The following ADGRL3 variants were observed in gnomAD, a reference collection of about 807,000 sequenced individuals.
ADGRL3 encodes the protein calcium-independent alpha-latrotoxin receptor 3.
A neutral mutation model predicts 153.5 loss-of-function variants in ADGRL3; 62 were observed. The observed-to-expected ratio is 0.40, with a 90% CI of 0.33 to 0.50. ADGRL3 has a LOEUF of 0.50. Among genes scored for constraint, ADGRL3 ranks in the 20% least tolerant of loss-of-function variants. The pLI, the probability that ADGRL3 is intolerant of heterozygous loss-of-function variation, is 0.47. For synonymous variants in ADGRL3, 710 were observed against 672.5 expected, an observed-to-expected ratio of 1.06 and a Z score of -0.86; for missense variants, 1,641 against 1,859.4, an observed-to-expected ratio of 0.88 and a Z score of 2.16.
At chr4:61,640,159 G>T (rs915900191) in intron 5 of ADGRL3, among the ~76,000 whole-genome samples, 3 of 151,960 alleles carry the variant, frequency 2.0e-5, no homozygotes, top group Non-Finnish European at 4.4e-5. Context: ...TCATGCTGCT[G>T]CCACTAATCA....
intron 11 of ADGRL3, among the ~76,000 whole-genome samples, chr4:61,909,214 G>A (rs1373554098): frequency 2.6e-5 from 4 of 152,026 alleles, no homozygotes; most frequent in African/African-American, 9.7e-5. Context: ...ATGTGGTTGG[G>A]GATTTACAAG....
At chr4:61,361,139 G>A (rs948305553) in intron 1 of ADGRL3, among the ~76,000 whole-genome samples, 1 of 152,166 alleles carries the variant, frequency 6.6e-6, no homozygotes, top group African/African-American at 2.4e-5. Context: ...CATGCTATCA[G>A]CTGCGTGGGC....
intron 8 of ADGRL3, among the ~76,000 whole-genome samples, chr4:61,738,361 G>A (rs916698207): frequency 3.3e-5 from 5 of 152,182 alleles, no homozygotes; most frequent in Admixed American, 6.5e-5. Context: ...TTGCAACTGC[G>A]AATTGTGCTG....
intron 8 of ADGRL3, among the ~76,000 whole-genome samples, chr4:61,758,123 G>A (rs79962500): frequency 0.087 from 13,197 of 152,210 alleles, 1,213 homozygotes; most frequent in African/African-American, 0.23. Flanking sequence ...GAGTTCTGTA[G>A]ATGTCTATTA....
At chr4:61,968,750 C>T (rs2099015828) in intron 17 of ADGRL3, among the ~76,000 whole-genome samples, 1 of 152,080 alleles carries the variant, frequency 6.6e-6, no homozygotes, top group Non-Finnish European at 1.5e-5. Context: ...TAAAGATGTA[C>T]AGGACATTTA....
At chr4:61,298,652 A>G (rs1006996935) in intron 1 of ADGRL3, among the ~76,000 whole-genome samples, 1 of 152,166 alleles carries the variant, frequency 6.6e-6, no homozygotes, top group Non-Finnish European at 1.5e-5. Context: ...CAGGACAACC[A>G]TTTCTACATT....
At chr4:61,461,100 A>G (rs2097808861) in intron 2 of ADGRL3, among the ~76,000 whole-genome samples, 1 of 152,128 alleles carries the variant, frequency 6.6e-6, no homozygotes, top group Admixed American at 6.5e-5. Context: ...CAAAGCCATC[A>G]CATCTCGTGA....
At chr4:61,546,405 A>G (rs1040396213) in intron 4 of ADGRL3, among the ~76,000 whole-genome samples, 3 of 152,200 alleles carry the variant, frequency 2.0e-5, no homozygotes, top group African/African-American at 4.8e-5. Flanking sequence ...AAAACCAACT[A>G]TTACAAATAT....
chr4:62,024,451 T>C (rs1397217329), intron 21 of ADGRL3, among the ~76,000 whole-genome samples: 1 of 152,186 alleles, frequency 6.6e-6, no homozygotes, highest in African/African-American at 2.4e-5. Flanking sequence ...ATATAGCTTT[T>C]GGTAGTAATA....
At chr4:61,665,534 A>G (rs1012402090) in intron 5 of ADGRL3, among the ~76,000 whole-genome samples, 1 of 152,224 alleles carries the variant, frequency 6.6e-6, no homozygotes, top group African/African-American at 2.4e-5. Flanking sequence ...TCTTAAGACC[A>G]TAAGAAAAAT....
intron 8 of ADGRL3, chr4:61,775,824 T>A: frequency 1.6e-6 from 1 of 615,746 alleles, no homozygotes. Flanking sequence ...CCATTACGCT[T>A]CCAGCAGCAA....
At chr4:61,975,097 A>C (rs2099043424) in intron 17 of ADGRL3, among the ~76,000 whole-genome samples, 1 of 152,226 alleles carries the variant, frequency 6.6e-6, no homozygotes, top group Non-Finnish European at 1.5e-5. Flanking sequence ...ATTCTCTTAG[A>C]GCTTTCTTTC....
intron 8 of ADGRL3, among the ~76,000 whole-genome samples, chr4:61,807,647 C>T (rs1291697600): frequency 2.6e-5 from 4 of 152,070 alleles, no homozygotes; most frequent in African/African-American, 9.7e-5. Flanking sequence ...CTAACAGTTG[C>T]TGTATCAAAT....
intron 1 of ADGRL3, among the ~76,000 whole-genome samples, chr4:61,206,695 T>C (rs1737369686): frequency 6.6e-6 from 1 of 152,126 alleles, no homozygotes; most frequent in Admixed American, 6.5e-5. Context: ...AAAAGTCATT[T>C]TAGAGGCTGA....
At chr4:61,372,909 G>T (rs564255685) in intron 1 of ADGRL3, among the ~76,000 whole-genome samples, 2 of 152,232 alleles carry the variant, frequency 1.3e-5, no homozygotes, top group African/African-American at 2.4e-5. Context: ...CTCCGAGCCA[G>T]GTGCGGGATA....
chr4:61,423,473 G>A (rs958613870), intron 2 of ADGRL3, among the ~76,000 whole-genome samples: 1 of 152,218 alleles, frequency 6.6e-6, no homozygotes, highest in African/African-American at 2.4e-5. Flanking sequence ...TGAACATTGT[G>A]TTAGATAATC....
At chr4:61,545,693 T>G (rs1579446385) in intron 4 of ADGRL3, among the ~76,000 whole-genome samples, 1 of 152,200 alleles carries the variant, frequency 6.6e-6, no homozygotes. Context: ...TTTGTACTTT[T>G]TAGTAGAGGC....
intron 8 of ADGRL3, chr4:61,775,523 C>T (rs1175141305): frequency 2.6e-6 from 2 of 760,344 alleles, no homozygotes; most frequent in Non-Finnish European, 4.8e-6. Context: ...TTAACTACTG[C>T]ACAACTGCAA....
intron 13 of ADGRL3, among the ~76,000 whole-genome samples, chr4:61,925,787 C>T (rs965462199): frequency 6.6e-6 from 1 of 152,118 alleles, no homozygotes; most frequent in Non-Finnish European, 1.5e-5. Context: ...CTGAGGATTA[C>T]AATTCAACAT....
Sources: allele counts gnomAD v4.1 joint callset (sites outside exome capture counted in the v4.1 genomes callset), GRCh38; gene constraint gnomAD v4.1.1; transcripts MANE v1.5; gene names NCBI Gene and HGNC (gene_info 2026-07-23, HGNC 2026-07-21).